Variants in BBX observed in about 807,000 individuals in gnomAD.
The protein encoded by BBX is HMG box transcription factor BBX.
Under a neutral mutation model 100.2 loss-of-function variants are expected in BBX, and 30 were observed. That is an observed-to-expected ratio of 0.30 (90% CI 0.22 to 0.41). The LOEUF is 0.41. Among genes scored for constraint, BBX ranks in the 10% least tolerant of loss-of-function variants. The pLI is 1.00. For missense variants in BBX, 1,023 were observed against 1,129.8 expected (o/e 0.91, Z 1.35); for synonymous variants, 376 against 388.1 (o/e 0.97, Z 0.37).
chr3:107,699,470 T>G (rs965451199), intron 3 of BBX, among the ~76,000 whole-genome samples: 2 of 151,876 alleles, frequency 1.3e-5, no homozygotes, highest in Non-Finnish European at 2.9e-5. Flanking sequence ...ATTAATACAT[T>G]GAGGGACTAT....
At chr3:107,630,118 C>T (rs186539395) in intron 2 of BBX, among the ~76,000 whole-genome samples, 3 of 152,160 alleles carry the variant, frequency 2.0e-5, no homozygotes, top group Non-Finnish European at 4.4e-5. Flanking sequence ...TCAAGTCTGA[C>T]GGCACCTTAG....
chr3:107,671,389 A>G (rs1368329095), intron 3 of BBX, among the ~76,000 whole-genome samples: 1 of 152,086 alleles, frequency 6.6e-6, no homozygotes, highest in African/African-American at 2.4e-5. Flanking sequence ...CACTGAGACT[A>G]TTAAGAGAAC....
At chr3:107,761,771 A>T (rs2065919355) in intron 10 of BBX, among the ~76,000 whole-genome samples, 1 of 152,186 alleles carries the variant, frequency 6.6e-6, no homozygotes, top group South Asian at 2.1e-4. Flanking sequence ...TAAATAGTTG[A>T]GTTTAGGAAG....
chr3:107,805,575 C>A lies in BBX; in HGVS notation c.*118C>A, dbSNP rs529162732. On this transcript the variant is annotated 3_prime_UTR_variant, in exon 18 of 18. Coordinates refer to ENST00000325805, the MANE Select transcript of BBX (RefSeq NM_001142568.3). The stretch of plus-strand genomic sequence containing the variant: ...TAGACTGCAAACAAGTGCTTGTTGC[C>A]CCACACGGCCCAGATTCACTTGAAG... The A allele has an allele frequency of 6.5e-7, 1 of 1,548,336 alleles. No homozygotes were observed. The highest frequency in any genetic ancestry group is 2.4e-5 in the East Asian group (1 of 42,498).
chr3:107,552,368 AAAAAAG>A (rs1377464991), intron 2 of BBX, among the ~76,000 whole-genome samples: 2 of 119,930 alleles, frequency 1.7e-5, no homozygotes, highest in African/African-American at 3.1e-5. Context: ...AAAAAAAAAA[AAAAAAG>A]GGATTGCTCT....
chr3:107,744,192 A>G (rs1213114477), intron 7 of BBX, among the ~76,000 whole-genome samples: 1 of 152,110 alleles, frequency 6.6e-6, no homozygotes, highest in South Asian at 2.1e-4. Flanking sequence ...AGTGTTGGGG[A>G]TAATGCATTA....
rs141174505 is a variant in BBX, at chr3:107,759,131, C to T, written c.906+3453C>T. On this transcript the variant is annotated intron_variant, in intron 10 of 17. Coordinates refer to ENST00000325805, the MANE Select transcript of BBX (RefSeq NM_001142568.3). ...ACAGAGATACTTGGATTGGCCTGTA[C>T]TCCCAACTTTAGCGTTGTAAAGACC... 1.2e-4 allele frequency among the ~76,000 whole-genome samples: 18 copies of T among 152,312 alleles called. No homozygotes were observed. In the East Asian group the frequency reaches 3.1e-3, roughly 26 times the overall value.
At chr3:107,763,226 C>CT (rs10708684) in intron 10 of BBX, among the ~76,000 whole-genome samples, 43,217 of 137,420 alleles carry the variant, frequency 0.31, 7,451 homozygotes, top group Middle Eastern at 0.48. Context: ...GTGGTATTAC[C>CT]TTTTTTTTTT....
chr3:107,810,587 C>T lies in BBX; in HGVS notation c.*5130C>T, dbSNP rs1001353955. 6.6e-6 allele frequency: 1 copy of T among 152,184 alleles called. No homozygotes were observed. 9.4% of individuals were successfully genotyped at this position (152,184 alleles called of 1,614,324 possible). A position where few individuals can be genotyped will look rare whatever the true frequency, so the allele number is the denominator to read the frequency against. On this transcript the variant is annotated 3_prime_UTR_variant, in exon 18 of 18. Coordinates refer to ENST00000325805, the MANE Select transcript of BBX (RefSeq NM_001142568.3). ...ACACTGATTTCGCTCTGTGGCCCACCAGAGGGGTGGGCTCATGTCCCCTGA... is the reference window on the plus strand; with the variant it reads ...ACACTGATTTCGCTCTGTGGCCCACTAGAGGGGTGGGCTCATGTCCCCTGA...
chr3:107,706,289 G>T (rs574204344), intron 3 of BBX, among the ~76,000 whole-genome samples: 1 of 152,124 alleles, frequency 6.6e-6, no homozygotes, highest in East Asian at 1.9e-4. Context: ...CCAAAATGCT[G>T]GGAGATTACA....
At chr3:107,794,323 A>G (rs1341729440) in intron 15 of BBX, among the ~76,000 whole-genome samples, 2 of 152,198 alleles carry the variant, frequency 1.3e-5, no homozygotes, top group African/African-American at 4.8e-5. Flanking sequence ...GATAGGGAAG[A>G]AACCATATCT....
intron 3 of BBX, among the ~76,000 whole-genome samples, chr3:107,676,667 A>G (rs964193437): frequency 6.6e-6 from 1 of 152,136 alleles, no homozygotes; most frequent in African/African-American, 2.4e-5. Context: ...CACTTAGGAG[A>G]TAACTGGGCT....
At chr3:107,657,277 G>A (rs772218640) in intron 3 of BBX, 21 of 152,182 alleles carry the variant, frequency 1.4e-4, no homozygotes, top group Admixed American at 2.6e-4. Flanking sequence ...ATTTTAGATT[G>A]AAGTATTCCA....
At chr3:107,556,506 A>G (rs1395505836) in intron 2 of BBX, among the ~76,000 whole-genome samples, 1 of 152,058 alleles carries the variant, frequency 6.6e-6, no homozygotes, top group East Asian at 1.9e-4. Flanking sequence ...AGTACCTGGT[A>G]CCTTTCTGCA....
chr3:107,531,929 A>G (rs939901437), intron 2 of BBX, among the ~76,000 whole-genome samples: 7 of 152,192 alleles, frequency 4.6e-5, no homozygotes, highest in Non-Finnish European at 8.8e-5. Flanking sequence ...CCGTCAAGAC[A>G]CATGTGTAAT....
chr3:107,732,626 T>C (rs2063380969), intron 6 of BBX, among the ~76,000 whole-genome samples: 1 of 152,176 alleles, frequency 6.6e-6, no homozygotes, highest in Admixed American at 6.5e-5. Context: ...CATTCTTTTG[T>C]TTAAAAAATC....
chr3:107,643,283 G>C (rs1174428371), intron 2 of BBX, among the ~76,000 whole-genome samples: 1 of 152,152 alleles, frequency 6.6e-6, no homozygotes, highest in Non-Finnish European at 1.5e-5. Flanking sequence ...CTGTAAGATA[G>C]GTTTTTCAGA....
At chr3:107,579,241 G>A (rs770009541) in intron 2 of BBX, among the ~76,000 whole-genome samples, 51 of 152,232 alleles carry the variant, frequency 3.4e-4, no homozygotes, top group Admixed American at 7.2e-4. Flanking sequence ...GATAGGTCTC[G>A]TAAAGGGCGA....
intron 3 of BBX, among the ~76,000 whole-genome samples, chr3:107,658,522 A>T (rs1238105859): frequency 6.6e-6 from 1 of 152,166 alleles, no homozygotes; most frequent in Admixed American, 6.5e-5. Flanking sequence ...TTTAATAAAG[A>T]TCCTTTAGAA....
Sources: gnomAD v4.1 joint callset for allele counts (sites outside exome capture counted in the v4.1 genomes callset) on GRCh38, gnomAD v4.1.1 for gene constraint, MANE v1.5 for transcripts, NCBI Gene and HGNC (gene_info 2026-07-23, HGNC 2026-07-21) for gene names.